Variants in LARGE1 observed in about 807,000 individuals in gnomAD.
LARGE1 encodes xylosyl- and glucuronyltransferase LARGE1.
A neutral mutation model predicts 87.6 loss-of-function variants in LARGE1; 43 were observed. The ratio of observed to expected loss-of-function variants is 0.49; its 90% CI spans 0.38 to 0.63. The LOEUF is 0.63. LARGE1 is among the 30% of genes least tolerant of loss of function. LARGE1 has a pLI of 0.00. For missense variants in LARGE1, 802 were observed against 1,000.2 expected (o/e 0.80, Z 2.67); for synonymous variants, 434 against 394.6 (o/e 1.10, Z -1.18).
rs1036575615 is a variant in LARGE1, at chr22:33,229,365, A to G, written c.1731-62533T>C. Reference sequence around the variant, plus strand: ...TCTCACAAACTAGAAAAAATTATTTATATGTGTGTGTGTATATATATGTAT... The same window carrying G: ...TCTCACAAACTAGAAAAAATTATTTGTATGTGTGTGTGTATATATATGTAT... On this transcript the variant is annotated intron_variant, in intron 11 of 11. Transcript: ENST00000608642. 2.2e-4 allele frequency among the ~76,000 whole-genome samples: 34 copies of G among 152,146 alleles called. 1 individual carries two copies. Among genetic ancestry groups the G allele is most frequent in the African/African-American group, 6.5e-4 (27 of 41,452 alleles).
chr22:33,888,074 C>T (rs2064904720), intron 1 of LARGE1, among the ~76,000 whole-genome samples: 1 of 152,138 alleles, frequency 6.6e-6, no homozygotes, highest in African/African-American at 2.4e-5. Flanking sequence ...TGTGGAACCA[C>T]CAATGCTCCC....
chr22:33,814,245 CT>C (rs750756485), intron 1 of LARGE1, among the ~76,000 whole-genome samples: 2 of 152,194 alleles, frequency 1.3e-5, no homozygotes, highest in Non-Finnish European at 2.9e-5. Context: ...GACCTCGCCC[CT>C]GAAAATCTAT....
chr22:33,510,264 C>T (rs116861470), intron 6 of LARGE1, among the ~76,000 whole-genome samples: 2,703 of 152,242 alleles, frequency 0.018, 36 homozygotes, highest in Middle Eastern at 0.027. Context: ...ACAGCAAATT[C>T]GAATAACATG....
chr22:33,122,639 C>T, the LARGE1 span, among the ~76,000 whole-genome samples: 2,377 of 152,136 alleles, frequency 0.016, 59 homozygotes, highest in African/African-American at 0.053. Context: ...GATTACAGGC[C>T]TGAGCCACCG....
In LARGE1 at chr22:33,319,459, G is replaced by A. The variant is rs189097003; in HGVS notation, c.1288-3211C>T. On this transcript the variant is annotated intron_variant, in intron 10 of 14. Coordinates refer to ENST00000397394, the MANE Select transcript of LARGE1 (RefSeq NM_133642.5). ...TGCCCAGGCTGGAGTGCAGTGACGCGATCTCAGCTCACTGCAACCTCTGCC... is the reference window on the plus strand; with the variant it reads ...TGCCCAGGCTGGAGTGCAGTGACGCAATCTCAGCTCACTGCAACCTCTGCC... Among the ~76,000 whole-genome samples, 618 of 152,178 alleles carry A rather than the reference G, an allele frequency of 4.1e-3. 5 individuals carry two copies. The highest frequency in any genetic ancestry group is 4.8e-3 in the South Asian group (23 of 4,822).
chr22:33,804,415 C>G (rs2086250589), intron 1 of LARGE1, among the ~76,000 whole-genome samples: 1 of 152,200 alleles, frequency 6.6e-6, no homozygotes, highest in African/African-American at 2.4e-5. Context: ...GACCATTTAT[C>G]CATTCATTCC....
chr22:33,481,240 C>CAT (rs1461275417), intron 6 of LARGE1, among the ~76,000 whole-genome samples: 2 of 148,926 alleles, frequency 1.3e-5, no homozygotes, highest in African/African-American at 5.0e-5. Context: ...CACACACACA[C>CAT]ACACGTACAC....
chr22:33,488,782 T>C (rs2148268370), intron 6 of LARGE1, among the ~76,000 whole-genome samples: 1 of 152,286 alleles, frequency 6.6e-6, no homozygotes, highest in Non-Finnish European at 1.5e-5. Context: ...GGGGAAACGC[T>C]TTGTAATATT....
chr22:33,372,322 A>C (rs574154630), intron 9 of LARGE1, among the ~76,000 whole-genome samples: 1 of 152,326 alleles, frequency 6.6e-6, no homozygotes, highest in South Asian at 2.1e-4. Context: ...GGTTACTAAG[A>C]ATAAAATCCT....
At chr22:33,572,018 T>C in intron 5 of LARGE1, 1 of 350,478 alleles carries the variant, frequency 2.9e-6, no homozygotes, top group Non-Finnish European at 5.7e-6. Flanking sequence ...AGGCCTTAAT[T>C]TTCTCACCTG....
chr22:33,512,941 CT>C (rs2071123463), intron 6 of LARGE1, among the ~76,000 whole-genome samples: 1 of 152,176 alleles, frequency 6.6e-6, no homozygotes, highest in Admixed American at 6.5e-5. Context: ...AACACATTCA[CT>C]GTTTTTTTTA....
At chr22:33,390,680 T>C (rs1463212702) in intron 7 of LARGE1, among the ~76,000 whole-genome samples, 1 of 139,798 alleles carries the variant, frequency 7.2e-6, no homozygotes, top group Non-Finnish European at 1.5e-5. Context: ...CTGTCTGCTT[T>C]TGTTGTGTGT....
At chr22:33,470,105 T>G (rs2068770474) in intron 6 of LARGE1, among the ~76,000 whole-genome samples, 1 of 151,810 alleles carries the variant, frequency 6.6e-6, no homozygotes, top group Non-Finnish European at 1.5e-5. Flanking sequence ...TTAGCCAGGA[T>G]GGTCTTGATC....
At chr22:33,552,381 A>G (rs181871675) in intron 6 of LARGE1, among the ~76,000 whole-genome samples, 1 of 152,120 alleles carries the variant, frequency 6.6e-6, no homozygotes. Flanking sequence ...CAGGAAACAG[A>G]CAGTCAGTCT....
chr22:33,100,627 G>A, the LARGE1 span, among the ~76,000 whole-genome samples: 11 of 152,092 alleles, frequency 7.2e-5, no homozygotes, highest in Non-Finnish European at 4.4e-5. Context: ...GTATTACCTC[G>A]TGACCTTGTC....
chr22:33,148,782 A>G, the LARGE1 span, among the ~76,000 whole-genome samples: 3 of 152,178 alleles, frequency 2.0e-5, no homozygotes, highest in Admixed American at 6.5e-5. Context: ...TAGGTGTGTA[A>G]TATCTCATTG....
chr22:33,239,538 T>TTC (rs895230557), intron 11 of LARGE1, among the ~76,000 whole-genome samples: 7 of 128,126 alleles, frequency 5.5e-5, no homozygotes, highest in African/African-American at 1.0e-4. Flanking sequence ...TTCTTTTCTT[T>TTC]TTTTTTTTTT....
the LARGE1 span, among the ~76,000 whole-genome samples, chr22:33,133,400 A>G: frequency 6.6e-6 from 1 of 151,836 alleles, no homozygotes; most frequent in East Asian, 1.9e-4. Flanking sequence ...TCATTGTTCA[A>G]CTCCCACTTA....
chr22:33,840,689 G>A (rs892099543), intron 1 of LARGE1, among the ~76,000 whole-genome samples: 1 of 151,010 alleles, frequency 6.6e-6, no homozygotes, highest in African/African-American at 2.4e-5. Flanking sequence ...TTTTTTTTCT[G>A]GGAAAGGGTC....
Sources: allele counts gnomAD v4.1 joint callset (sites outside exome capture counted in the v4.1 genomes callset), GRCh38; gene constraint gnomAD v4.1.1; transcripts MANE v1.5; gene names NCBI Gene and HGNC (gene_info 2026-07-23, HGNC 2026-07-21).